Variants in DNAH11 observed in about 807,000 individuals in gnomAD.
The protein encoded by DNAH11 is axonemal beta dynein heavy chain 11.
In DNAH11, 442 loss-of-function variants were observed where a neutral mutation model predicts 526.0. The observed-to-expected ratio is 0.84, with a 90% CI of 0.78 to 0.91. DNAH11 has a LOEUF of 0.91. DNAH11 is among the 40% of genes least tolerant of loss of function. DNAH11 has a pLI of 0.00. For synonymous variants in DNAH11, 2,461 were observed against 1,935.9 expected (o/e 1.27, Z -7.12); for missense variants, 6,989 against 5,448.7 (o/e 1.28, Z -8.90).
chr7:21,724,256 C>T (rs1784988989), intron 44 of DNAH11, among the ~76,000 whole-genome samples: 1 of 152,194 alleles, frequency 6.6e-6, no homozygotes, highest in Non-Finnish European at 1.5e-5. Context: ...GAAGAAGTAT[C>T]TTCTACCACC....
At chr7:21,693,353 T>A (rs982905468) in intron 35 of DNAH11, among the ~76,000 whole-genome samples, 1 of 152,192 alleles carries the variant, frequency 6.6e-6, no homozygotes, top group African/African-American at 2.4e-5. Context: ...TATTAATAGG[T>A]ACTGCTGGAT....
intron 36 of DNAH11, 65 bp from the exon 37 acceptor site, chr7:21,702,645 C>T (rs1156771174): frequency 1.4e-6 from 2 of 1,402,496 alleles, no homozygotes; most frequent in African/African-American, 2.8e-5. Context: ...TCAGCTCTTA[C>T]CTCTGGAATG....
In DNAH11 at chr7:21,711,776, T is replaced by C. The variant is rs1484312524; in HGVS notation, c.6899T>C (p.Ile2300Thr). ...LTPFMRLLFE[I>T]HHLRSATPAT... ...CCCTTCATGAGGCTTCTGTTTGAGA[T>C]ACATCACTTAAGGAGCGCAACCCCG... The change falls in exon 42 of 82, where the codon ATA (isoleucine) becomes ACA (threonine). Residue 2300 changes from isoleucine (I) to threonine (T), a missense_variant. Coordinates refer to ENST00000409508, the MANE Select transcript of DNAH11 (RefSeq NM_001277115.2). The C allele has an allele frequency of 1.2e-6, 2 of 1,613,902 alleles. No homozygotes were observed. Among genetic ancestry groups the C allele is most frequent in the Non-Finnish European group, 8.5e-7 (1 of 1,179,824 alleles).
At chr7:21,688,223 C>G (rs1030391231) in intron 34 of DNAH11, among the ~76,000 whole-genome samples, 7 of 152,272 alleles carry the variant, frequency 4.6e-5, no homozygotes, top group African/African-American at 1.7e-4. Flanking sequence ...CATCTCTCTC[C>G]CCTCACAGCG....
At chr7:21,631,392 A>G (rs181959367) in intron 25 of DNAH11, among the ~76,000 whole-genome samples, 2 of 152,314 alleles carry the variant, frequency 1.3e-5, no homozygotes, top group Non-Finnish European at 2.9e-5. Flanking sequence ...GTCTTAACTC[A>G]TTTCAGCATT....
chr7:21,827,985 G>A (rs550088182), intron 65 of DNAH11, among the ~76,000 whole-genome samples: 1 of 149,504 alleles, frequency 6.7e-6, no homozygotes, highest in African/African-American at 2.5e-5. Context: ...GTCTTGCTCT[G>A]TCGCCCAGGC....
Position 21,561,051 on chromosome 7 carries a change from C to CT in DNAH11, c.883-13dup. The CT allele has an allele frequency of 6.6e-7, 1 of 1,520,650 alleles. No individual in the cohort carries two copies. Among genetic ancestry groups the CT allele is most frequent in the Admixed American group, 1.9e-5 (1 of 51,560 alleles). 94.2% of individuals were successfully genotyped at this position (1,520,650 alleles called of 1,614,324 possible). ...CGAGTTTATATTTATTAAAGTTCTTCTTTTTTTCCTTTAACTTAGCTTCAG... is the reference window on the plus strand; with the variant it reads ...CGAGTTTATATTTATTAAAGTTCTTCTTTTTTTTCCTTTAACTTAGCTTCAG... On this transcript the variant is annotated intron_variant, in intron 4 of 81. Coordinates refer to ENST00000409508, the MANE Select transcript of DNAH11 (RefSeq NM_001277115.2).
intron 61 of DNAH11, among the ~76,000 whole-genome samples, chr7:21,799,485 C>T (rs1291985581): frequency 2.6e-5 from 4 of 151,726 alleles, no homozygotes; most frequent in Admixed American, 2.6e-4. Context: ...TTACAGGCAC[C>T]CGCCACCACG....
chr7:21,763,352 A>AAAAAAAAGAAAAG (rs1787012273), intron 54 of DNAH11, among the ~76,000 whole-genome samples: 22 of 112,318 alleles, frequency 2.0e-4, no homozygotes, highest in Admixed American at 3.0e-4. Flanking sequence ...AAAAAAAAAA[A>AAAAAAAAGAAAAG]AAAAGAAAAA....
At chr7:21,648,525 C>A (rs963184991) in intron 28 of DNAH11, among the ~76,000 whole-genome samples, 1 of 152,192 alleles carries the variant, frequency 6.6e-6, no homozygotes, top group Non-Finnish European at 1.5e-5. Flanking sequence ...CATACCCAAG[C>A]TACCAGCTGA....
At chr7:21,647,330 C>T (rs1045333521) in intron 28 of DNAH11, among the ~76,000 whole-genome samples, 4 of 151,844 alleles carry the variant, frequency 2.6e-5, no homozygotes, top group Non-Finnish European at 5.9e-5. Flanking sequence ...TCCATAAAGC[C>T]ATATTTTATA....
At chr7:21,846,685 G>A (rs770455864) in intron 66 of DNAH11, among the ~76,000 whole-genome samples, 2 of 151,910 alleles carry the variant, frequency 1.3e-5, no homozygotes, top group Non-Finnish European at 2.9e-5. Flanking sequence ...TCCTGTAATG[G>A]GTTTATCTGG....
chr7:21,655,214 G>A (rs9638788), intron 28 of DNAH11, among the ~76,000 whole-genome samples: 107,570 of 151,902 alleles, frequency 0.71, 38,157 homozygotes, highest in Admixed American at 0.77. Context: ...GGAATTATAG[G>A]TTCATTGTCT....
chr7:21,594,130 G>C (rs1025734988), intron 14 of DNAH11, among the ~76,000 whole-genome samples: 6 of 150,318 alleles, frequency 4.0e-5, no homozygotes, highest in African/African-American at 1.5e-4. Context: ...GCACAGTGTG[G>C]GGTAGGGAAA....
chr7:21,885,170 A>G (rs6978105), intron 76 of DNAH11, among the ~76,000 whole-genome samples: 6,113 of 25,764 alleles, frequency 0.24, 516 homozygotes, highest in Middle Eastern at 0.34. Flanking sequence ...CAAATGAACT[A>G]TAAAAAAAAA....
intron 57 of DNAH11, among the ~76,000 whole-genome samples, chr7:21,782,575 T>C (rs955166670): frequency 6.6e-6 from 1 of 152,112 alleles, no homozygotes; most frequent in Non-Finnish European, 1.5e-5. Context: ...ACTCCATTAA[T>C]AGTAAAGGAG....
intron 28 of DNAH11, among the ~76,000 whole-genome samples, chr7:21,645,190 C>A (rs758652686): frequency 6.6e-6 from 1 of 152,184 alleles, no homozygotes; most frequent in Non-Finnish European, 1.5e-5. Flanking sequence ...CTAGGCCCTT[C>A]TGTGGAATCT....
At chr7:21,637,999 C>G (rs1786949598) in intron 27 of DNAH11, among the ~76,000 whole-genome samples, 1 of 150,416 alleles carries the variant, frequency 6.6e-6, no homozygotes, top group African/African-American at 2.5e-5. Flanking sequence ...TTTCCTCAGA[C>G]TATCCTGTAA....
chr7:21,704,543 G>C lies in DNAH11; in HGVS notation c.6383G>C (p.Arg2128Pro). 2 of 1,613,822 alleles carry C rather than the reference G, an allele frequency of 1.2e-6. No homozygotes were observed. Among genetic ancestry groups the C allele is most frequent in the Non-Finnish European group, 1.7e-6 (2 of 1,179,816 alleles). ...GDLFPALDVPRRRKLHFEQMV... is the reference protein window; with the variant it reads ...GDLFPALDVPPRRKLHFEQMV... Reference sequence around the variant, plus strand: ...CTGTTTCCAGCCCTGGATGTGCCCCGGAGGAGGAAGCTGCACTTTGAACAG... The same window carrying C: ...CTGTTTCCAGCCCTGGATGTGCCCCCGAGGAGGAAGCTGCACTTTGAACAG... The change falls in exon 38 of 82, where the codon CGG becomes CCG. Residue 2128 changes from arginine to proline, a missense_variant. Transcript: ENST00000409508.
Sources: gnomAD v4.1 joint callset for allele counts (sites outside exome capture counted in the v4.1 genomes callset) on GRCh38, gnomAD v4.1.1 for gene constraint, MANE v1.5 for transcripts, NCBI Gene and HGNC (gene_info 2026-07-23, HGNC 2026-07-21) for gene names.